Variants in TBXAS1 observed in about 807,000 individuals in gnomAD.
TBXAS1 encodes the protein thromboxane-A synthase.
In TBXAS1, 48 loss-of-function variants were observed where a neutral mutation model predicts 60.7. That is an observed-to-expected ratio of 0.79 (90% CI 0.63 to 1.01). The LOEUF is 1.01. TBXAS1 is among the 50% of genes least tolerant of loss of function. TBXAS1 has a pLI of 0.00. For missense variants in TBXAS1, 685 were observed against 686.3 expected (o/e 1.00, Z 0.02); for synonymous variants, 287 against 269.7 (o/e 1.06, Z -0.63).
chr7:139,863,396 A>G (rs891092758), intron 1 of TBXAS1, among the ~76,000 whole-genome samples: 1 of 152,188 alleles, frequency 6.6e-6, no homozygotes, highest in African/African-American at 2.4e-5. Context: ...AAAGATTATA[A>G]GCGGTTCCTT....
chr7:139,952,154 G>T (rs1387891212), intron 5 of TBXAS1, among the ~76,000 whole-genome samples: 3 of 152,192 alleles, frequency 2.0e-5, no homozygotes, highest in Admixed American at 2.0e-4. Context: ...GCAAAAGATT[G>T]TTAGACGAAG....
chr7:139,984,614 AAGAGAGAGAGAGAG>A (rs748137753), intron 9 of TBXAS1, among the ~76,000 whole-genome samples: 1 of 65,550 alleles, frequency 1.5e-5, no homozygotes, highest in African/African-American at 5.2e-5. Flanking sequence ...ATAAGAAAGA[AAGAGAGAGAGAGAG>A]AGAGAGAGAG....
chr7:139,937,336 A>G (rs2117203056), intron 5 of TBXAS1, among the ~76,000 whole-genome samples: 1 of 152,346 alleles, frequency 6.6e-6, no homozygotes, highest in South Asian at 2.1e-4. Flanking sequence ...GTTCAATAAA[A>G]ATGAAAGCTA....
chr7:140,012,627 T>C (rs1483248969), intron 10 of TBXAS1, among the ~76,000 whole-genome samples: 1 of 151,992 alleles, frequency 6.6e-6, no homozygotes, highest in Non-Finnish European at 1.5e-5. Flanking sequence ...CTTGGCTAAT[T>C]TGGGTATTTT....
chr7:139,922,693 C>A (rs537095338), intron 4 of TBXAS1, among the ~76,000 whole-genome samples: 1 of 152,294 alleles, frequency 6.6e-6, no homozygotes, highest in Admixed American at 6.5e-5. Context: ...TCTTTAAGAA[C>A]TCTTGCCTTA....
At chr7:139,790,562 A>T (rs1797350415) in intron 4 of TBXAS1, among the ~76,000 whole-genome samples, 1 of 152,230 alleles carries the variant, frequency 6.6e-6, no homozygotes, top group Admixed American at 6.5e-5. Context: ...GTCAAAAAGA[A>T]AAATGGCTCC....
chr7:139,869,229 G>A (rs1801648859), intron 1 of TBXAS1, among the ~76,000 whole-genome samples: 1 of 152,134 alleles, frequency 6.6e-6, no homozygotes, highest in Non-Finnish European at 1.5e-5. Flanking sequence ...GTGGTTGGCT[G>A]ACTATCTTTG....
Position 139,787,712 on chromosome 7 carries a change from C to T in TBXAS1, c.-80+286C>T, listed in dbSNP as rs548667615. ...AACCTGACCACCCTATTTCATATTG[C>T]AACTTGCCCCTCTACCCATGCTGTC... On this transcript the variant is annotated intron_variant, in intron 4 of 16. Coordinates refer to the TBXAS1 transcript ENST00000336425. Among the ~76,000 whole-genome samples the T allele has an allele frequency of 2.0e-5, 3 of 152,306 alleles. No homozygotes were observed. In the South Asian group the frequency reaches 6.2e-4, roughly 32 times the overall value.
chr7:139,997,913 G>T (rs1346216847), intron 9 of TBXAS1, among the ~76,000 whole-genome samples: 1 of 152,160 alleles, frequency 6.6e-6, no homozygotes, highest in Non-Finnish European at 1.5e-5. Flanking sequence ...TTCACCAAAA[G>T]CCATAAACAA....
chr7:139,998,009 G>C (rs7789470), intron 9 of TBXAS1, among the ~76,000 whole-genome samples: 65,826 of 152,082 alleles, frequency 0.43, 16,295 homozygotes, highest in African/African-American at 0.69. Context: ...TGGATAAATC[G>C]GGGCAGCTCA....
chr7:139,989,733 A>T (rs1184816830), intron 9 of TBXAS1, among the ~76,000 whole-genome samples: 1 of 152,144 alleles, frequency 6.6e-6, no homozygotes, highest in Non-Finnish European at 1.5e-5. Context: ...CTCTGGCCCC[A>T]TGCGGGCCCA....
chr7:139,992,832 A>G (rs1813019792), intron 9 of TBXAS1, among the ~76,000 whole-genome samples: 1 of 152,234 alleles, frequency 6.6e-6, no homozygotes, highest in Non-Finnish European at 1.5e-5. Context: ...TCTCAGAGTT[A>G]AAAGGAAACA....
intron 3 of TBXAS1, 91 bp from the exon 4 acceptor site, chr7:139,911,134 T>C (rs1805483839): frequency 9.3e-7 from 1 of 1,080,334 alleles, no homozygotes; most frequent in African/African-American, 1.6e-5. Flanking sequence ...TAGTTATCTT[T>C]TATCCCTCAT....
Position 140,002,988 on chromosome 7 carries a change from G to T in TBXAS1, c.1135-4103G>T, listed in dbSNP as rs540711974. On this transcript the variant is annotated intron_variant, in intron 9 of 12. Coordinates refer to ENST00000448866, the MANE Select transcript of TBXAS1 (RefSeq NM_001061.7). ...AAAATACAAAAATTAGCCGGGCGTGGTGGTGGGTGCCTGTAATCCCAGCTA... is the reference window on the plus strand; with the variant it reads ...AAAATACAAAAATTAGCCGGGCGTGTTGGTGGGTGCCTGTAATCCCAGCTA... Among the ~76,000 whole-genome samples, 24 of 151,890 alleles carry T rather than the reference G, an allele frequency of 1.6e-4. No homozygotes were observed. The South Asian group carries it at 4.8e-3, about 30-fold the overall frequency.
At chr7:139,790,511 G>A (rs1415642514) in intron 4 of TBXAS1, among the ~76,000 whole-genome samples, 1 of 152,244 alleles carries the variant, frequency 6.6e-6, no homozygotes, top group East Asian at 1.9e-4. Context: ...AACCTATATC[G>A]TTTGAGTGAT....
chr7:139,815,557 G>T (rs1798125138), intron 4 of TBXAS1, among the ~76,000 whole-genome samples: 1 of 152,192 alleles, frequency 6.6e-6, no homozygotes, highest in Non-Finnish European at 1.5e-5. Flanking sequence ...AATTATGTGA[G>T]GTTTCAGAGC....
intron 5 of TBXAS1, among the ~76,000 whole-genome samples, chr7:139,952,840 A>G (rs1286309604): frequency 6.6e-6 from 1 of 152,262 alleles, no homozygotes; most frequent in African/African-American, 2.4e-5. Context: ...ATAACCATCC[A>G]TCAGGAATGC....
chr7:139,931,023 T>C (rs140979828), intron 4 of TBXAS1, among the ~76,000 whole-genome samples: 19 of 152,018 alleles, frequency 1.2e-4, no homozygotes, highest in African/African-American at 4.6e-4. Context: ...AAGAAACACA[T>C]TCACATTTTG....
chr7:139,894,323 G>A (rs937842846), intron 3 of TBXAS1, among the ~76,000 whole-genome samples: 1 of 152,152 alleles, frequency 6.6e-6, no homozygotes, highest in Non-Finnish European at 1.5e-5. Flanking sequence ...GTGGGAGAAG[G>A]GCAGGGCATG....
Sources: gnomAD v4.1 joint callset for allele counts (sites outside exome capture counted in the v4.1 genomes callset) on GRCh38, gnomAD v4.1.1 for gene constraint, MANE v1.5 for transcripts, NCBI Gene and HGNC (gene_info 2026-07-23, HGNC 2026-07-21) for gene names.